Variants in TENM4 observed in about 807,000 individuals in gnomAD.
TENM4 encodes teneurin transmembrane protein 4.
In TENM4, 82 loss-of-function variants were observed where a neutral mutation model predicts 243.3. The ratio of observed to expected loss-of-function variants is 0.34; its 90% confidence interval spans 0.28 to 0.40. TENM4 has a LOEUF of 0.40. Ranked by LOEUF, TENM4 falls within the 10% of genes least tolerant of loss-of-function variation. TENM4 has a pLI of 1.00. For synonymous variants in TENM4, 1,412 were observed against 1,456.3 expected (o/e 0.97, Z 0.69); for missense variants, 3,138 against 3,673.3 (o/e 0.85, Z 3.77).
chr11:79,287,250 G>A (rs1317484594), intron 2 of TENM4, among the ~76,000 whole-genome samples: 1 of 152,164 alleles, frequency 6.6e-6, no homozygotes, highest in Non-Finnish European at 1.5e-5. Context: ...TGCCCTGGTG[G>A]CCTCTTCTGA....
At chr11:79,342,037 C>A (rs941155197) in intron 1 of TENM4, among the ~76,000 whole-genome samples, 1 of 152,190 alleles carries the variant, frequency 6.6e-6, no homozygotes. Flanking sequence ...TGCTCTTGTT[C>A]TCTCTGGGCC....
intron 3 of TENM4, among the ~76,000 whole-genome samples, chr11:79,173,466 A>G (rs1863092711): frequency 6.6e-6 from 1 of 152,066 alleles, no homozygotes; most frequent in South Asian, 2.1e-4. Context: ...GCCTCATCCA[A>G]CGTGGCCTAT....
intron 6 of TENM4, among the ~76,000 whole-genome samples, chr11:79,009,203 C>T (rs1366152972): frequency 1.3e-5 from 2 of 152,178 alleles, no homozygotes; most frequent in Non-Finnish European, 2.9e-5. Flanking sequence ...CCTAACCAAG[C>T]TGGACACACG....
At chr11:78,670,612 C>T (rs534459611) in intron 31 of TENM4, 61 bp from the exon 32 acceptor site, 2 of 1,480,254 alleles carry the variant, frequency 1.4e-6, no homozygotes, top group African/African-American at 1.4e-5. Flanking sequence ...GGTAGGTCTA[C>T]ATACCCGAGA....
chr11:79,008,902 C>T (rs941772643), intron 6 of TENM4, among the ~76,000 whole-genome samples: 8 of 152,300 alleles, frequency 5.3e-5, no homozygotes, highest in African/African-American at 1.4e-4. Context: ...TCTATATCAC[C>T]ACGCCCTTGC....
chr11:78,955,488 A>G (rs1857190228), intron 6 of TENM4, among the ~76,000 whole-genome samples: 1 of 152,208 alleles, frequency 6.6e-6, no homozygotes. Flanking sequence ...TAGTTTCCAG[A>G]TGGAGAAAGC....
chr11:78,747,145 G>A (rs1374209460), intron 19 of TENM4, among the ~76,000 whole-genome samples: 2 of 152,218 alleles, frequency 1.3e-5, no homozygotes, highest in Admixed American at 6.5e-5. Context: ...GATGAGGGAG[G>A]AGGGGCTGAC....
chr11:78,997,962 G>A (rs941901445), intron 6 of TENM4, among the ~76,000 whole-genome samples: 4 of 152,270 alleles, frequency 2.6e-5, no homozygotes, highest in Non-Finnish European at 4.4e-5. Flanking sequence ...TATATACACC[G>A]AGGAAAGGCC....
rs184175509 is a variant in TENM4, at chr11:79,283,020, G to T, written c.-265+14468C>A. On this transcript the variant is annotated intron_variant, in intron 2 of 33. Coordinates refer to ENST00000278550, the MANE Select transcript of TENM4 (RefSeq NM_001098816.3). ...TTTTCTGACACAAGCACATGATAAG[G>T]CATGACTATTAGCTGTAGTAAGCCT... Among the ~76,000 whole-genome samples the T allele has an allele frequency of 3.2e-4, 48 of 152,158 alleles. 1 individual carries two copies. In the East Asian group the frequency reaches 9.1e-3, roughly 29 times the overall value.
intron 3 of TENM4, among the ~76,000 whole-genome samples, chr11:79,153,231 C>T (rs1289775386): frequency 1.3e-5 from 2 of 152,268 alleles, no homozygotes; most frequent in Non-Finnish European, 2.9e-5. Flanking sequence ...GTAACTACCT[C>T]ACAAGATTGT....
At chr11:79,420,975 A>T (rs960433253) in intron 1 of TENM4, among the ~76,000 whole-genome samples, 1 of 152,230 alleles carries the variant, frequency 6.6e-6, no homozygotes, top group Non-Finnish European at 1.5e-5. Flanking sequence ...AGTGAAAACC[A>T]GGCTTCTAGA....
At chr11:79,218,238 A>AC (rs1476288580) in intron 2 of TENM4, among the ~76,000 whole-genome samples, 2 of 106,644 alleles carry the variant, frequency 1.9e-5, no homozygotes, top group Non-Finnish European at 3.6e-5. Flanking sequence ...CTGCCCACCC[A>AC]CCCCCGACAC....
At chr11:78,827,827 C>T (rs1165438785) in intron 12 of TENM4, among the ~76,000 whole-genome samples, 4 of 152,184 alleles carry the variant, frequency 2.6e-5, no homozygotes, top group African/African-American at 9.7e-5. Context: ...GTGAAGGTCC[C>T]CCTGGCTCTT....
At chr11:78,724,032 C>T (rs1227554129) in intron 23 of TENM4, among the ~76,000 whole-genome samples, 1 of 151,096 alleles carries the variant, frequency 6.6e-6, no homozygotes, top group African/African-American at 2.4e-5. Flanking sequence ...TCCTTCCCTC[C>T]CTTCCTTTCT....
At chr11:79,151,723 C>A (rs1481633147) in intron 3 of TENM4, among the ~76,000 whole-genome samples, 1 of 152,158 alleles carries the variant, frequency 6.6e-6, no homozygotes, top group African/African-American at 2.4e-5. Context: ...CCTCCCCCAA[C>A]AGGCACAGAT....
chr11:79,163,810 CATAT>C (rs1199270167), intron 3 of TENM4, among the ~76,000 whole-genome samples: 1 of 127,912 alleles, frequency 7.8e-6, no homozygotes, highest in Non-Finnish European at 1.6e-5. Context: ...TATATATACA[CATAT>C]ATATACATGT....
At chr11:78,962,436 T>G (rs1857347799) in intron 6 of TENM4, among the ~76,000 whole-genome samples, 1 of 116,766 alleles carries the variant, frequency 8.6e-6, no homozygotes, top group Non-Finnish European at 1.6e-5. Context: ...GGGAGCAAAA[T>G]AAAACACTCA....
At chr11:78,818,191 C>A (rs965468088) in intron 12 of TENM4, among the ~76,000 whole-genome samples, 1 of 152,110 alleles carries the variant, frequency 6.6e-6, no homozygotes, top group African/African-American at 2.4e-5. Context: ...CTTCTCAAAC[C>A]CAATGGTATA....
At chr11:78,715,092 T>C (rs1859492304) in intron 25 of TENM4, among the ~76,000 whole-genome samples, 1 of 152,250 alleles carries the variant, frequency 6.6e-6, no homozygotes, top group African/African-American at 2.4e-5. Context: ...GTGTTTGCAT[T>C]CGCATTATTT....
Sources: allele counts gnomAD v4.1 joint callset (sites outside exome capture counted in the v4.1 genomes callset), GRCh38; gene constraint gnomAD v4.1.1; transcripts MANE v1.5; gene names NCBI Gene and HGNC (gene_info 2026-07-23, HGNC 2026-07-21).